The following TIMP2 variants were observed in gnomAD, a reference collection of about 807,000 sequenced individuals.
TIMP2 encodes the protein metalloproteinase inhibitor 2.
TIMP2 carries 5 observed loss-of-function variants against 24.3 expected under a neutral mutation model. The ratio of observed to expected loss-of-function variants is 0.21; its 90% CI spans 0.11 to 0.43. The LOEUF is 0.43. TIMP2 is among the 20% of genes least tolerant of loss of function. TIMP2 has a pLI of 1.00. For synonymous variants in TIMP2, 130 were observed against 123.2 expected, an observed-to-expected ratio of 1.06 and a Z score of -0.37; for missense variants, 221 against 297.5, an observed-to-expected ratio of 0.74 and a Z score of 1.89.
chr17:78,909,128 A>T (rs2070185597), intron 1 of TIMP2, among the ~76,000 whole-genome samples: 1 of 152,192 alleles, frequency 6.6e-6, no homozygotes, highest in Non-Finnish European at 1.5e-5. Context: ...TGAGAGGATC[A>T]CTTGAACCCA....
At chr17:78,857,283 C>T (rs570292998) in intron 4 of TIMP2, 14 of 527,054 alleles carry the variant, frequency 2.7e-5, no homozygotes, top group Non-Finnish European at 3.7e-5. Context: ...CCGCAGCGCC[C>T]GGCCTCCAGA....
chr17:78,908,023 T>C (rs998924912), intron 1 of TIMP2, among the ~76,000 whole-genome samples: 1 of 152,096 alleles, frequency 6.6e-6, no homozygotes, highest in Non-Finnish European at 1.5e-5. Context: ...TGGTCCCAGC[T>C]ACTTGGGAGG....
In TIMP2 at chr17:78,905,203, G is replaced by A. The variant is rs545088389; in HGVS notation, c.130+19756C>T. 3.2e-4 allele frequency among the ~76,000 whole-genome samples: 48 copies of A among 151,602 alleles called. 1 individual carries two copies. Among genetic ancestry groups the A allele is most frequent in the African/African-American group, 1.2e-3 (48 of 41,366 alleles). On this transcript the variant is annotated intron_variant, in intron 1 of 4. Transcript: ENST00000262768. ...TTCTGCCTTGGACCTCAGAGCTCCT[G>A]GGCCTCAGGCCTTTGGGCTCCAGGA...
chr17:78,911,702 A>ATTAC (rs1168588899), intron 1 of TIMP2, among the ~76,000 whole-genome samples: 4 of 151,968 alleles, frequency 2.6e-5, no homozygotes, highest in Non-Finnish European at 5.9e-5. Flanking sequence ...AAGTGCTGAG[A>ATTAC]TTACAGGCAT....
intron 1 of TIMP2, among the ~76,000 whole-genome samples, chr17:78,881,895 T>A (rs763670778): frequency 8.5e-5 from 13 of 152,254 alleles, no homozygotes; most frequent in Non-Finnish European, 1.5e-5. Context: ...CCATTGGGGA[T>A]GAGAGTCTCT....
At chr17:78,879,284 G>A (rs926187366) in intron 1 of TIMP2, among the ~76,000 whole-genome samples, 1 of 152,308 alleles carries the variant, frequency 6.6e-6, no homozygotes, top group East Asian at 1.9e-4. Flanking sequence ...ACATTTCCAT[G>A]CCAATGGCAA....
rs1158224246 is a variant in TIMP2 at position 78,891,335 on chromosome 17, G to C, written c.131-17416C>G. ...TGGGTCTGCCATTTTCTTCCCTCTTGGGGTCCCAGCGCCACACTCTTGCAT... is the reference window on the plus strand; with the variant it reads ...TGGGTCTGCCATTTTCTTCCCTCTTCGGGTCCCAGCGCCACACTCTTGCAT... On this transcript the variant is annotated intron_variant, in intron 1 of 4. Transcript: ENST00000262768. This position sits in a 1 kb window ranked among gnomAD's most constrained non-coding sequence, Gnocchi z 4.5. 4 of 1,550,202 alleles carry C rather than the reference G, an allele frequency of 2.6e-6. No homozygotes were observed. Among genetic ancestry groups the C allele is most frequent in the Non-Finnish European group, 3.5e-6 (4 of 1,146,920 alleles).
At chr17:78,908,602 A>T (rs2070181178) in intron 1 of TIMP2, among the ~76,000 whole-genome samples, 1 of 152,208 alleles carries the variant, frequency 6.6e-6, no homozygotes, top group Admixed American at 6.5e-5. Flanking sequence ...ACCTTGGGCA[A>T]GTCATCGGCT....
At chr17:78,872,917 C>T (rs1224571306) in intron 2 of TIMP2, among the ~76,000 whole-genome samples, 4 of 151,996 alleles carry the variant, frequency 2.6e-5, no homozygotes, top group Non-Finnish European at 5.9e-5. Flanking sequence ...GCAACCTCTG[C>T]CTCCCAGGTT....
intron 1 of TIMP2, chr17:78,897,473 C>T (rs2070021097): frequency 6.6e-6 from 1 of 152,250 alleles, no homozygotes; most frequent in South Asian, 2.1e-4. Context: ...GGCTCAGACC[C>T]TCCAACTACC....
chr17:78,914,433 C>A (rs953434635), intron 1 of TIMP2, among the ~76,000 whole-genome samples: 1 of 152,112 alleles, frequency 6.6e-6, no homozygotes, highest in East Asian at 1.9e-4. Context: ...CAGGCACCCG[C>A]CACCATGCCC....
Position 78,901,205 on chromosome 17 carries a change from G to C in TIMP2, c.130+23754C>G, listed in dbSNP as rs139366850. 4.8e-3 allele frequency: 733 copies of C among 154,196 alleles called. 3 individuals carry two copies. The highest frequency in any genetic ancestry group is 0.014 in the African/African-American group (580 of 41,584). 9.6% of individuals were successfully genotyped at this position (154,196 alleles called of 1,614,324 possible). A position where few individuals can be genotyped will look rare whatever the true frequency, so the allele number is the denominator to read the frequency against. ...TGCTGGATTCCACGCACGAGGAACC[G>C]ACGGGCAGACGTGGAGCTAAATGAT... On this transcript the variant is annotated intron_variant, in intron 1 of 4. Coordinates refer to ENST00000262768, the MANE Select transcript of TIMP2 (RefSeq NM_003255.5).
intron 1 of TIMP2, among the ~76,000 whole-genome samples, chr17:78,876,110 C>T (rs975516995): frequency 3.3e-5 from 5 of 152,128 alleles, no homozygotes; most frequent in African/African-American, 9.7e-5. Context: ...CCTAACCATC[C>T]TCTCATCCAC....
chr17:78,856,784 G>A (rs1476783838), intron 4 of TIMP2: 1 of 152,276 alleles, frequency 6.6e-6, no homozygotes, highest in Non-Finnish European at 1.5e-5. Context: ...ACCAACCCAG[G>A]TGTGAAAATG....
intron 1 of TIMP2, among the ~76,000 whole-genome samples, chr17:78,917,251 C>CAAAAAAAA (rs10592875): frequency 2.6e-3 from 199 of 77,394 alleles, no homozygotes; most frequent in East Asian, 5.2e-3. Flanking sequence ...GACTCCGTCT[C>CAAAAAAAA]AAAAAAAAAA....
At chr17:78,890,876 C>G (rs1213744703) in intron 1 of TIMP2, 1 of 1,550,632 alleles carries the variant, frequency 6.4e-7, no homozygotes, top group Admixed American at 2.0e-5. Context: ...TCTTTGCTCC[C>G]TCCTCTCTTT....
chr17:78,901,161 G>C (rs761181691), intron 1 of TIMP2: 1 of 152,864 alleles, frequency 6.5e-6, no homozygotes, highest in Non-Finnish European at 1.5e-5. Context: ...CCGAGAGCTC[G>C]GCAGAGACAC....
At chr17:78,890,908 G>T in intron 1 of TIMP2, 3 of 1,550,744 alleles carry the variant, frequency 1.9e-6, no homozygotes, top group Non-Finnish European at 1.7e-6. Flanking sequence ...CTTTGTAGTG[G>T]ATTTCCAAGC....
At chr17:78,874,488 G>A (rs544038723) in intron 1 of TIMP2, among the ~76,000 whole-genome samples, 4 of 152,120 alleles carry the variant, frequency 2.6e-5, no homozygotes, top group East Asian at 1.9e-4. Flanking sequence ...AAACGTACCC[G>A]GCATATTTAG....
Sources: allele counts gnomAD v4.1 joint callset (sites outside exome capture counted in the v4.1 genomes callset), GRCh38; gene constraint gnomAD v4.1.1; non-coding constraint Gnocchi (gnomAD v3.1); transcripts MANE v1.5; gene names NCBI Gene and HGNC (gene_info 2026-07-23, HGNC 2026-07-21).